GPC5: variants seen among roughly 807,000 people sequenced by gnomAD.
GPC5 encodes glypican-5.
In GPC5, 47 loss-of-function variants were observed where a neutral mutation model predicts 53.9. The observed-to-expected ratio is 0.87, with a 90% confidence interval of 0.69 to 1.11. The LOEUF is 1.11. Ranked by LOEUF, GPC5 falls within the 50% of genes most tolerant of loss-of-function variation. The probability of loss-of-function intolerance (pLI) is 0.00; values close to 1 mark genes in which losing one functional copy is unlikely to be tolerated. For synonymous variants in GPC5, 286 were observed against 263.3 expected, an observed-to-expected ratio of 1.09 and a Z score of -0.84; for missense variants, 748 against 713.1, an observed-to-expected ratio of 1.05 and a Z score of -0.56.
intron 2 of GPC5, chr13:91,486,819 G>C (rs578181962): frequency 1.3e-5 from 2 of 152,316 alleles, no homozygotes; most frequent in East Asian, 3.9e-4. Flanking sequence ...GTTGATTCTG[G>C]AGAGGTAAAG....
chr13:92,466,839 G>A (rs4773686), intron 7 of GPC5, among the ~76,000 whole-genome samples: 94,743 of 151,898 alleles, frequency 0.62, 30,709 homozygotes, highest in East Asian at 0.89. Context: ...ACATAAAAAC[G>A]TTGAGTGAAT....
chr13:92,081,046 C>T (rs1321780509), intron 6 of GPC5, among the ~76,000 whole-genome samples: 1 of 152,182 alleles, frequency 6.6e-6, no homozygotes, highest in Admixed American at 6.5e-5. Flanking sequence ...ATAGAACCCT[C>T]TATATGCCTC....
At chr13:91,585,579 T>C (rs1449800801) in intron 2 of GPC5, among the ~76,000 whole-genome samples, 3 of 152,058 alleles carry the variant, frequency 2.0e-5, no homozygotes, top group African/African-American at 7.2e-5. Flanking sequence ...AGCTCAAAAA[T>C]ATGCAAAAAA....
chr13:91,909,149 C>T lies in GPC5; in HGVS notation c.1401+1092C>T, dbSNP rs138088585. ...TGATACCTGTAGAAAACAGATCTCT[C>T]GCCCTGGCTGGCAAAACCCAAAATA... is the stretch of plus-strand genomic sequence containing the variant. On this transcript the variant is annotated intron_variant, in intron 6 of 7. Coordinates refer to ENST00000377067, the MANE Select transcript of GPC5 (RefSeq NM_004466.6). Among the ~76,000 whole-genome samples the T allele has an allele frequency of 5.3e-3, 801 of 152,276 alleles. 1 individual carries two copies. The highest frequency in any genetic ancestry group is 0.012 in the South Asian group (56 of 4,828).
Position 92,272,588 on chromosome 13 carries a change from G to A in GPC5, c.1561+127599G>A, listed in dbSNP as rs544106914. On this transcript the variant is annotated intron_variant, in intron 7 of 7. Coordinates refer to ENST00000377067, the MANE Select transcript of GPC5 (RefSeq NM_004466.6). ...CAAGACTCTGTGAAGGAATGGCATT[G>A]GAAAGTGTAATTATCAGTCTCTTGC... 7.9e-5 allele frequency among the ~76,000 whole-genome samples: 12 copies of A among 152,238 alleles called. No individual in the cohort carries two copies. The South Asian group carries it at 2.5e-3, about 32-fold the overall frequency.
chr13:91,616,401 G>A (rs1220281003), intron 2 of GPC5, among the ~76,000 whole-genome samples: 1 of 152,068 alleles, frequency 6.6e-6, no homozygotes, highest in Admixed American at 6.6e-5. Context: ...TTCCTATAAA[G>A]ATGTCTATGA....
intron 6 of GPC5, among the ~76,000 whole-genome samples, chr13:92,099,583 A>C (rs1194678250): frequency 6.6e-6 from 1 of 152,132 alleles, no homozygotes; most frequent in Non-Finnish European, 1.5e-5. Flanking sequence ...CTTTATCTGG[A>C]TGTTTAATAA....
chr13:92,358,812 T>G (rs2043543543), intron 7 of GPC5, among the ~76,000 whole-genome samples: 1 of 151,774 alleles, frequency 6.6e-6, no homozygotes, highest in South Asian at 2.1e-4. Context: ...AGCGGGGCCC[T>G]GGGCCCAGTC....
At chr13:91,968,814 T>A (rs547533958) in intron 6 of GPC5, among the ~76,000 whole-genome samples, 35 of 152,244 alleles carry the variant, frequency 2.3e-4, no homozygotes, top group African/African-American at 7.9e-4. Context: ...TGCTATTGAA[T>A]CTCTGGGTAT....
At chr13:91,892,364 T>A (rs1207243630) in intron 5 of GPC5, among the ~76,000 whole-genome samples, 1 of 151,764 alleles carries the variant, frequency 6.6e-6, no homozygotes, top group Non-Finnish European at 1.5e-5. Context: ...TTTTACCATG[T>A]TTTTGTATTT....
At position 91,399,172 on chromosome 13, in the gene GPC5, G is replaced by C; in HGVS notation, c.126G>C (p.Leu42=). ...EVRKLFQWRL[L]GAVRGLPDSP... ...GGAAACTTTTCCAGTGGCGGCTGCT[G>C]GGAGCTGTCAGGGGGCTGCCGGATT... Residue 42 remains leucine, a synonymous_variant, in exon 1 of 8, where the codon CTG becomes CTC. Transcript: ENST00000377067. 2 of 1,612,780 alleles carry C rather than the reference G, an allele frequency of 1.2e-6. No homozygotes were observed. Among genetic ancestry groups the C allele is most frequent in the Non-Finnish European group, 8.5e-7 (1 of 1,179,670 alleles).
At chr13:92,163,021 A>G (rs2042001361) in intron 7 of GPC5, among the ~76,000 whole-genome samples, 1 of 152,166 alleles carries the variant, frequency 6.6e-6, no homozygotes, top group Non-Finnish European at 1.5e-5. Flanking sequence ...CTTGGGATCA[A>G]ATATACTGCA....
intron 7 of GPC5, among the ~76,000 whole-genome samples, chr13:92,812,851 A>G (rs1260486769): frequency 1.3e-5 from 2 of 151,934 alleles, no homozygotes; most frequent in Non-Finnish European, 2.9e-5. Context: ...TTTTATTTGT[A>G]TGCAAGACTT....
At chr13:92,199,498 T>C (rs1392065453) in intron 7 of GPC5, among the ~76,000 whole-genome samples, 1 of 152,220 alleles carries the variant, frequency 6.6e-6, no homozygotes, top group Non-Finnish European at 1.5e-5. Context: ...ATATTTTCTT[T>C]CATAAAAATT....
chr13:92,167,023 TA>T (rs1177416943), intron 7 of GPC5, among the ~76,000 whole-genome samples: 1 of 151,366 alleles, frequency 6.6e-6, no homozygotes, highest in Non-Finnish European at 1.5e-5. Context: ...CCTGAACAGT[TA>T]AATTTCCTTC....
chr13:92,093,208 C>T (rs767673380), intron 6 of GPC5, among the ~76,000 whole-genome samples: 4 of 152,062 alleles, frequency 2.6e-5, no homozygotes, highest in Non-Finnish European at 4.4e-5. Flanking sequence ...ATATTAAAGG[C>T]CTTTTTCTTT....
rs575390709 is a variant in GPC5 at position 92,449,899 on chromosome 13, T to C, written c.1561+304910T>C. ...CTTTGTTATTCTACATTAATCATAG[T>C]CTAATAAATTAAAAAGCACGGCCCC... On this transcript the variant is annotated intron_variant, in intron 7 of 7. Coordinates refer to ENST00000377067, the MANE Select transcript of GPC5 (RefSeq NM_004466.6). 1.6e-4 allele frequency among the ~76,000 whole-genome samples: 25 copies of C among 152,260 alleles called. No individual in the cohort carries two copies. In the South Asian group the frequency reaches 5.2e-3, roughly 32 times the overall value.
chr13:92,289,776 C>G (rs1019481630), intron 7 of GPC5, among the ~76,000 whole-genome samples: 1 of 151,726 alleles, frequency 6.6e-6, no homozygotes, highest in Non-Finnish European at 1.5e-5. Context: ...TTCCATAGTA[C>G]TAATATTTTA....
intron 6 of GPC5, among the ~76,000 whole-genome samples, chr13:92,059,239 T>C (rs1349960467): frequency 6.6e-6 from 1 of 151,408 alleles, no homozygotes. Flanking sequence ...GTCTCAACAA[T>C]GCAGCACACA....
Sources: gnomAD v4.1 joint callset for allele counts (sites outside exome capture counted in the v4.1 genomes callset) on GRCh38, gnomAD v4.1.1 for gene constraint, MANE v1.5 for transcripts, NCBI Gene and HGNC (gene_info 2026-07-23, HGNC 2026-07-21) for gene names.